The following DHX57 variants were observed in gnomAD, a reference collection of about 807,000 sequenced individuals.
The protein encoded by DHX57 is putative ATP-dependent RNA helicase DHX57.
A neutral mutation model predicts 156.2 loss-of-function variants in DHX57; 105 were observed. That is an observed-to-expected ratio of 0.67 (90% confidence interval 0.57 to 0.79). DHX57 has a LOEUF of 0.79. Ranked by LOEUF, DHX57 falls within the 30% of genes least tolerant of loss-of-function variation. The pLI is 0.00. For missense variants in DHX57, 1,847 were observed against 1,661.9 expected (o/e 1.11, Z -1.94); for synonymous variants, 704 against 595.6 (o/e 1.18, Z -2.65).
intron 6 of DHX57, 85 bp downstream of exon 6, chr2:38,858,576 G>A (rs1197089024): frequency 2.7e-6 from 4 of 1,470,812 alleles, no homozygotes; most frequent in East Asian, 2.4e-5. Flanking sequence ...GAATTTTAAG[G>A]AGGGTAGCCA....
At chr2:38,854,352 T>C (rs112743294) in intron 8 of DHX57, 174 bp from the exon 9 acceptor site, 2 of 503,058 alleles carry the variant, frequency 4.0e-6, no homozygotes, top group Non-Finnish European at 6.8e-6. Context: ...ATAAAAGCCT[T>C]TCTACTTCAT....
chr2:38,798,702 T>C (rs367783984), intron 23 of DHX57, among the ~76,000 whole-genome samples: 12 of 152,220 alleles, frequency 7.9e-5, no homozygotes, highest in African/African-American at 2.4e-4. Context: ...TCCCAGCACT[T>C]TGGGAGGCCA....
chr2:38,814,212 A>G (rs1670412926), intron 20 of DHX57, among the ~76,000 whole-genome samples: 1 of 152,224 alleles, frequency 6.6e-6, no homozygotes, highest in Admixed American at 6.5e-5. Flanking sequence ...TACTGAGATT[A>G]CAGGCGTGAG....
At chr2:38,827,537 C>T (rs10153769) in intron 14 of DHX57, among the ~76,000 whole-genome samples, 2,767 of 53,058 alleles carry the variant, frequency 0.052, 216 homozygotes, top group African/African-American at 0.15. Flanking sequence ...TATATATACA[C>T]ACATACATAT....
chr2:38,828,311 A>G (rs370161680), intron 14 of DHX57, 29 bp downstream of exon 14: 1 of 1,565,868 alleles, frequency 6.4e-7, no homozygotes, highest in African/African-American at 1.4e-5. Context: ...GCAATGGATG[A>G]TTAAGAATAT....
rs781099129 is a variant in DHX57, at chr2:38,862,216, A to C, written c.501T>G (p.Ala167=). 6.2e-7 allele frequency: 1 copy of C among 1,614,028 alleles called. No homozygotes were observed. The change falls in exon 4 of 24, where the codon GCT becomes GCG. Residue 167 remains alanine, a synonymous_variant. Coordinates refer to ENST00000457308, the MANE Select transcript of DHX57 (RefSeq NM_198963.3). Reference sequence around the variant, plus strand: ...CATAAGGCTCCACTGAGGCTAAGCCAGCATATTCCAAAGGATCCAAGTCGG... The same window carrying C: ...CATAAGGCTCCACTGAGGCTAAGCCCGCATATTCCAAAGGATCCAAGTCGG... ...LVPDLDPLEY[A]GLASVEPYVP...
intron 12 of DHX57, chr2:38,838,690 C>A: frequency 2.3e-6 from 1 of 429,140 alleles, no homozygotes; most frequent in Non-Finnish European, 4.7e-6. Context: ...TGGACAGAGA[C>A]CCCAGCTTTC....
Position 38,868,330 on chromosome 2 carries a change from C to A in DHX57, c.76G>T (p.Gly26Cys), listed in dbSNP as rs1353696410. The A allele has an allele frequency of 1.2e-6, 2 of 1,613,836 alleles. No homozygotes were observed. Among genetic ancestry groups the A allele is most frequent in the Non-Finnish European group, 1.7e-6 (2 of 1,180,044 alleles). ...GKGSSRGGRG[G>C]RSHASKSHGS... Reference sequence around the variant, plus strand: ...TGAGATTTACTGGCGTGACTCCTGCCTCCTCTTCCTCCTCTAGAAGACCCT... The same window carrying A: ...TGAGATTTACTGGCGTGACTCCTGCATCCTCTTCCTCCTCTAGAAGACCCT... The change falls in exon 2 of 24, where the codon GGC becomes TGC. Residue 26 changes from glycine (G) to cysteine (C), a missense_variant. Transcript: ENST00000457308.
chr2:38,827,064 G>C (rs1218438518), intron 14 of DHX57, among the ~76,000 whole-genome samples: 1 of 152,146 alleles, frequency 6.6e-6, no homozygotes, highest in Non-Finnish European at 1.5e-5. Context: ...CCAGGATGCA[G>C]AGGTTGCAGT....
intron 21 of DHX57, chr2:38,810,293 G>A: frequency 3.6e-6 from 1 of 275,244 alleles, no homozygotes; most frequent in Non-Finnish European, 7.2e-6. Context: ...GGGGACCAGG[G>A]AACAAAGCTG....
At chr2:38,839,357 C>G (rs1365398922) in intron 12 of DHX57, among the ~76,000 whole-genome samples, 3 of 151,884 alleles carry the variant, frequency 2.0e-5, no homozygotes, top group African/African-American at 7.3e-5. Flanking sequence ...AACAAAATAA[C>G]TATAGTTGGT....
chr2:38,825,652 A>G (rs1482761976), intron 16 of DHX57, among the ~76,000 whole-genome samples, 195 bp downstream of exon 16: 1 of 152,162 alleles, frequency 6.6e-6, no homozygotes, highest in African/African-American at 2.4e-5. Context: ...CTGCAATGTA[A>G]GAGATCTTTA....
chr2:38,824,936 A>G (rs1444354518), intron 16 of DHX57, among the ~76,000 whole-genome samples: 1 of 152,150 alleles, frequency 6.6e-6, no homozygotes, highest in Non-Finnish European at 1.5e-5. Flanking sequence ...GGCATGAGCC[A>G]CCACACCCAG....
intron 21 of DHX57, among the ~76,000 whole-genome samples, chr2:38,812,421 G>C (rs1670295994): frequency 1.3e-5 from 2 of 152,214 alleles, no homozygotes; most frequent in African/African-American, 4.8e-5. Flanking sequence ...CTCTCTGGGG[G>C]AAAATGGTGC....
chr2:38,816,974 G>T (rs1270746615), intron 19 of DHX57, among the ~76,000 whole-genome samples: 1 of 152,176 alleles, frequency 6.6e-6, no homozygotes, highest in Non-Finnish European at 1.5e-5. Context: ...GCATCTTAAT[G>T]ACTTGAGAAA....
rs931072844 is a variant in DHX57 at position 38,835,157 on chromosome 2, G to T, written c.2542+2674C>A. Among the ~76,000 whole-genome samples the T allele has an allele frequency of 3.3e-5, 5 of 152,134 alleles. No individual in the cohort carries two copies. The South Asian group carries it at 8.3e-4, about 25-fold the overall frequency. ...ATTAAGAAAATCATTGAGGAGAAATGTATCTGCCTGAAAAGGTTCCAAATA... is the reference window on the plus strand; with the variant it reads ...ATTAAGAAAATCATTGAGGAGAAATTTATCTGCCTGAAAAGGTTCCAAATA... On this transcript the variant is annotated intron_variant, in intron 13 of 23. Transcript: ENST00000457308.
intron 1 of DHX57, 46 bp downstream of exon 1, chr2:38,875,741 C>A (rs1427592200): frequency 3.3e-6 from 1 of 304,716 alleles, no homozygotes; most frequent in Non-Finnish European, 6.0e-6. Context: ...ACGCGCACAC[C>A]GTGCGCACAA....
At chr2:38,833,463 G>C (rs1175422360) in intron 13 of DHX57, among the ~76,000 whole-genome samples, 1 of 152,068 alleles carries the variant, frequency 6.6e-6, no homozygotes, top group Admixed American at 6.6e-5. Flanking sequence ...TATTAGGATA[G>C]AGTAAGGGGA....
intron 23 of DHX57, among the ~76,000 whole-genome samples, chr2:38,800,207 A>T (rs1004416936): frequency 1.5e-5 from 2 of 133,948 alleles, no homozygotes; most frequent in African/African-American, 5.3e-5. Flanking sequence ...AAAAAAAAAT[A>T]GCCGGGCTTG....
Sources: allele counts gnomAD v4.1 joint callset (sites outside exome capture counted in the v4.1 genomes callset), GRCh38; gene constraint gnomAD v4.1.1; transcripts MANE v1.5; gene names NCBI Gene and HGNC (gene_info 2026-07-23, HGNC 2026-07-21).